The following TNKS variants were observed in gnomAD, a reference collection of about 807,000 sequenced individuals.
TNKS encodes the protein tankyrase.
In TNKS, 72 loss-of-function variants were observed where a neutral mutation model predicts 135.8. The observed-to-expected ratio is 0.53, with a 90% confidence interval of 0.44 to 0.64. TNKS has a LOEUF of 0.64. Ranked by LOEUF, TNKS falls within the 30% of genes least tolerant of loss-of-function variation. The pLI, the probability that TNKS is intolerant of heterozygous loss-of-function variation, is 0.00. For missense variants in TNKS, 1,769 were observed against 1,674.0 expected, an observed-to-expected ratio of 1.06 and a Z score of -0.99; for synonymous variants, 849 against 649.3, an observed-to-expected ratio of 1.31 and a Z score of -4.68.
At chr8:9,584,336 ACTT>A (rs1384079207) in intron 2 of TNKS, among the ~76,000 whole-genome samples, 1 of 151,970 alleles carries the variant, frequency 6.6e-6, no homozygotes, top group Non-Finnish European at 1.5e-5. Context: ...CCTTCCTTCT[ACTT>A]CTTTGCAGTC....
Position 9,627,555 on chromosome 8 carries a change from G to GCTTGCTTC in TNKS, c.994+11885_994+11886insCCTTGCTT, listed in dbSNP as rs1162686378. Among the ~76,000 whole-genome samples, 374 of 150,816 alleles carry GCTTGCTTC rather than the reference G, an allele frequency of 2.5e-3. 3 individuals are homozygous for GCTTGCTTC. The highest frequency in any genetic ancestry group is 3.8e-3 in the Non-Finnish European group (261 of 67,842). ...CTGTGGCAAAATTGCTTGCTTGCTT[G>GCTTGCTTC]CTTGCTTGCTTGCTTGCTTGCTTGC... On this transcript the variant is annotated intron_variant, in intron 3 of 26. Transcript: ENST00000310430.
chr8:9,567,794 A>G (rs991131531), intron 1 of TNKS, among the ~76,000 whole-genome samples: 10 of 152,196 alleles, frequency 6.6e-5, no homozygotes, highest in Admixed American at 6.5e-4. Flanking sequence ...GTTTTGACTC[A>G]TGGAAGAAGA....
chr8:9,640,423 T>C (rs1800684178), intron 3 of TNKS, among the ~76,000 whole-genome samples: 1 of 145,434 alleles, frequency 6.9e-6, no homozygotes, highest in African/African-American at 2.6e-5. Context: ...CTTTGGGGGA[T>C]ACATTCAAAC....
At chr8:9,571,460 G>A (rs576391540) in intron 1 of TNKS, among the ~76,000 whole-genome samples, 3 of 152,122 alleles carry the variant, frequency 2.0e-5, no homozygotes, top group South Asian at 2.1e-4. Flanking sequence ...TTGATTCCAC[G>A]TTTTTTTCTT....
At chr8:9,760,559 G>A (rs1475522811) in intron 20 of TNKS, among the ~76,000 whole-genome samples, 1 of 152,154 alleles carries the variant, frequency 6.6e-6, no homozygotes, top group Non-Finnish European at 1.5e-5. Flanking sequence ...CAAGGCAGGG[G>A]AAAATCAAAG....
At chr8:9,673,924 G>T (rs1380153043) in intron 3 of TNKS, among the ~76,000 whole-genome samples, 1 of 152,082 alleles carries the variant, frequency 6.6e-6, no homozygotes, top group Non-Finnish European at 1.5e-5. Flanking sequence ...TATTGAAAAA[G>T]TAACTTTCTT....
At chr8:9,775,373 C>T (rs1429217391) in intron 26 of TNKS, among the ~76,000 whole-genome samples, 1 of 148,828 alleles carries the variant, frequency 6.7e-6, no homozygotes, top group East Asian at 2.0e-4. Context: ...TTTCTTCCCA[C>T]TAAATGTACT....
intron 25 of TNKS, among the ~76,000 whole-genome samples, chr8:9,767,337 T>C (rs1296617660): frequency 6.6e-6 from 1 of 152,166 alleles, no homozygotes; most frequent in Non-Finnish European, 1.5e-5. Flanking sequence ...TCCTTGGCAA[T>C]GAAAAAATAC....
chr8:9,752,471 C>A, intron 19 of TNKS, 73 bp from the exon 20 acceptor site: 2 of 1,150,298 alleles, frequency 1.7e-6, no homozygotes, highest in Non-Finnish European at 2.6e-6. Context: ...AGAGTCATGT[C>A]TAAATGGATA....
intron 3 of TNKS, among the ~76,000 whole-genome samples, chr8:9,655,326 GACAA>G (rs1414970401): frequency 6.6e-6 from 1 of 152,210 alleles, no homozygotes; most frequent in African/African-American, 2.4e-5. Context: ...GCAGGGCACA[GACAA>G]ACAAAAGGCA....
At chr8:9,698,575 C>T (rs138832403) in intron 5 of TNKS, among the ~76,000 whole-genome samples, 2 of 152,176 alleles carry the variant, frequency 1.3e-5, no homozygotes, top group African/African-American at 2.4e-5. Flanking sequence ...GACGCAGAGA[C>T]GTTAATAAAT....
chr8:9,602,229 C>G (rs1799044393), intron 2 of TNKS, among the ~76,000 whole-genome samples: 1 of 152,140 alleles, frequency 6.6e-6, no homozygotes, highest in African/African-American at 2.4e-5. Context: ...CAACAAGCCA[C>G]TTGTAGGTTT....
chr8:9,679,894 A>C (rs922343604), intron 3 of TNKS, 57 bp from the exon 4 acceptor site: 5 of 1,401,352 alleles, frequency 3.6e-6, no homozygotes, highest in Non-Finnish European at 5.1e-6. Context: ...TGCCTACTGC[A>C]TTTCTTAATC....
chr8:9,580,123 A>AAT, intron 1 of TNKS, 36 bp from the exon 2 acceptor site: 5 of 1,572,690 alleles, frequency 3.2e-6, no homozygotes, highest in Non-Finnish European at 4.4e-6. Flanking sequence ...TACAAAATCA[A>AAT]ATATATATAC....
At chr8:9,636,553 C>T (rs530041807) in intron 3 of TNKS, among the ~76,000 whole-genome samples, 1 of 152,128 alleles carries the variant, frequency 6.6e-6, no homozygotes, top group Non-Finnish European at 1.5e-5. Flanking sequence ...GTTCCCAGGC[C>T]TCATTTCAGA....
intron 12 of TNKS, among the ~76,000 whole-genome samples, chr8:9,725,385 C>T (rs1805113574): frequency 6.6e-6 from 1 of 152,078 alleles, no homozygotes. Flanking sequence ...TTATATGAAA[C>T]ACTCTCTTTT....
chr8:9,618,185 C>T lies in TNKS; in HGVS notation c.994+2508C>T, dbSNP rs1203707023. ...TATTTTTAGTAGAGACGGGGTTTCA[C>T]CATGCTGGCCAGGCTGATCTCGAAC... is the stretch of plus-strand genomic sequence containing the variant. On this transcript the variant is annotated intron_variant, in intron 3 of 26. Transcript: ENST00000310430. Among the ~76,000 whole-genome samples, 3 of 152,122 alleles carry T rather than the reference C, an allele frequency of 2.0e-5. No homozygotes were observed. The East Asian group carries it at 5.8e-4, about 29-fold the overall frequency.
intron 24 of TNKS, 122 bp from the exon 25 acceptor site, chr8:9,766,117 A>ATACTT (rs1807430389): frequency 2.4e-6 from 2 of 846,500 alleles, no homozygotes; most frequent in East Asian, 5.3e-5. Flanking sequence ...TTCTTAGAAA[A>ATACTT]TACTTTTCAT....
At chr8:9,627,861 C>A (rs1008163396) in intron 3 of TNKS, among the ~76,000 whole-genome samples, 1 of 152,120 alleles carries the variant, frequency 6.6e-6, no homozygotes, top group Non-Finnish European at 1.5e-5. Flanking sequence ...ATTTTTTCCT[C>A]TCAGCTTATT....
Sources: allele counts gnomAD v4.1 joint callset (sites outside exome capture counted in the v4.1 genomes callset), GRCh38; gene constraint gnomAD v4.1.1; transcripts MANE v1.5; gene names NCBI Gene and HGNC (gene_info 2026-07-23, HGNC 2026-07-21).